Variants in BTBD8 observed in about 807,000 individuals in gnomAD.
BTBD8 encodes BTB/POZ domain-containing protein 8.
Under a neutral mutation model 162.9 loss-of-function variants are expected in BTBD8, and 110 were observed. That is an observed-to-expected ratio of 0.68 (90% CI 0.58 to 0.79). BTBD8 has a LOEUF of 0.79. Among genes scored for constraint, BTBD8 ranks in the 30% least tolerant of loss-of-function variants. The probability of loss-of-function intolerance (pLI) is 0.00; values close to 1 mark genes in which losing one functional copy is unlikely to be tolerated. For synonymous variants in BTBD8, 667 were observed against 716.1 expected (o/e 0.93, Z 1.10); for missense variants, 1,905 against 2,085.4 (o/e 0.91, Z 1.68).
In BTBD8 at chr1:92,181,172, C is replaced by CA; in HGVS notation, c.3495dup (p.Ser1166IlefsTer12). On this transcript the variant is annotated frameshift_variant, in exon 17 of 18. Coordinates refer to ENST00000636805, the MANE Select transcript of BTBD8 (RefSeq NM_001376131.1). LOFTEE classifies it high-confidence loss of function. ...GTACCTTAAATTCTGCTCAAGAAGA[C>CA]AAAAAATCGAAAGTTCCTGTGGAAG... The CA allele has an allele frequency of 6.4e-7, 1 of 1,551,590 alleles. No individual in the cohort carries two copies. The highest frequency in any genetic ancestry group is 8.7e-7 in the Non-Finnish European group (1 of 1,146,948).
intron 4 of BTBD8, among the ~76,000 whole-genome samples, chr1:92,122,128 A>C (rs1395713943): frequency 6.6e-6 from 1 of 152,064 alleles, no homozygotes; most frequent in African/African-American, 2.4e-5. Flanking sequence ...TCATCCTTGC[A>C]TGTTATGTGT....
chr1:92,180,850 T>C lies in BTBD8; in HGVS notation c.3167T>C (p.Phe1056Ser). Reference protein sequence around the residue: ...QICLDKSETKFPNHKETDDCD... With the variant: ...QICLDKSETKSPNHKETDDCD... ...TGTTTAGATAAAAGTGAAACAAAAT[T>C]TCCCAATCACAAAGAAACAGATGAT... is the stretch of plus-strand genomic sequence containing the variant. Residue 1056 changes from phenylalanine to serine, a missense_variant, in exon 17 of 18, where the codon TTT becomes TCT. This residue lies in a region of BTBD8 where 1,374 missense variants were observed against 1,442.7 expected (regional missense o/e 0.95). Coordinates refer to ENST00000636805, the MANE Select transcript of BTBD8 (RefSeq NM_001376131.1). 7 of 1,551,476 alleles carry C rather than the reference T, an allele frequency of 4.5e-6. No individual in the cohort carries two copies. Among genetic ancestry groups the C allele is most frequent in the Non-Finnish European group, 4.4e-6 (5 of 1,146,946 alleles).
chr1:92,183,593 T>G (rs1478451641), intron 17 of BTBD8, among the ~76,000 whole-genome samples: 2 of 152,100 alleles, frequency 1.3e-5, no homozygotes, highest in Non-Finnish European at 2.9e-5. Context: ...GTTTAAATGA[T>G]TTATGTTTTC....
chr1:92,087,093 T>C (rs896854637), intron 1 of BTBD8, among the ~76,000 whole-genome samples: 15 of 152,200 alleles, frequency 9.9e-5, no homozygotes, highest in African/African-American at 3.6e-4. Context: ...AAGTCAGATT[T>C]TCAGATTTGT....
At chr1:92,123,331 G>T (rs912852833) in intron 4 of BTBD8, among the ~76,000 whole-genome samples, 2 of 152,074 alleles carry the variant, frequency 1.3e-5, no homozygotes, top group African/African-American at 4.8e-5. Flanking sequence ...GGCAATTAGG[G>T]GTCCTTTGCA....
intron 4 of BTBD8, 76 bp from the exon 5 acceptor site, chr1:92,129,611 G>C: frequency 8.5e-7 from 1 of 1,179,344 alleles, no homozygotes. Flanking sequence ...ACATAAAGAT[G>C]AAAATTTTCA....
In BTBD8 at chr1:92,144,763, G is replaced by C. The variant is rs924491285; in HGVS notation, c.931-2417G>C. Among the ~76,000 whole-genome samples the C allele has an allele frequency of 1.1e-4, 16 of 148,782 alleles. No homozygotes were observed. The Admixed American group carries it at 1.1e-3, about 10-fold the overall frequency. ...GAATTTGAGGCTGCAGCGAGCCATG[G>C]TCACACCACTGCATTCCAGCCTGGG... On this transcript the variant is annotated intron_variant, in intron 7 of 17. Coordinates refer to ENST00000636805, the MANE Select transcript of BTBD8 (RefSeq NM_001376131.1).
chr1:92,102,428 A>T, intron 2 of BTBD8, 45 bp from the exon 3 acceptor site: 2 of 1,223,510 alleles, frequency 1.6e-6, no homozygotes, highest in Non-Finnish European at 2.1e-6. Flanking sequence ...TCTTTTTAAG[A>T]ATCACCAATG....
At chr1:92,120,659 A>G (rs192779637) in intron 4 of BTBD8, among the ~76,000 whole-genome samples, 243 of 152,320 alleles carry the variant, frequency 1.6e-3, no homozygotes, top group African/African-American at 5.6e-3. Context: ...TCTGTCAGCT[A>G]TGACATCCCT....
In BTBD8 at chr1:92,182,261, TAAAC is replaced by T; in HGVS notation, c.4580_4583del (p.Lys1527ArgfsTer12). On this transcript the variant is annotated frameshift_variant, in exon 17 of 18. Coordinates refer to ENST00000636805, the MANE Select transcript of BTBD8 (RefSeq NM_001376131.1). LOFTEE classifies it high-confidence loss of function. ...GTAGCATTGACTCTTCAAGAAAAAA[TAAAC>T]AGAGTGTTTCAGCCACAGAAAAAAA... The T allele has an allele frequency of 1.9e-6, 3 of 1,550,988 alleles. No homozygotes were observed. Among genetic ancestry groups the T allele is most frequent in the Non-Finnish European group, 2.6e-6 (3 of 1,146,754 alleles).
intron 4 of BTBD8, among the ~76,000 whole-genome samples, chr1:92,122,637 C>T (rs1416310270): frequency 6.6e-6 from 1 of 151,938 alleles, no homozygotes; most frequent in Non-Finnish European, 1.5e-5. Flanking sequence ...GATCTCGGCT[C>T]ACTACAAGCC....
chr1:92,126,166 A>T, intron 4 of BTBD8: 1 of 506,210 alleles, frequency 2.0e-6, no homozygotes, highest in South Asian at 1.6e-5. Flanking sequence ...GATTGGCAGA[A>T]GATTGTGGTG....
intron 1 of BTBD8, among the ~76,000 whole-genome samples, chr1:92,080,926 A>T (rs927811855): frequency 6.6e-6 from 1 of 152,164 alleles, no homozygotes; most frequent in East Asian, 1.9e-4. Flanking sequence ...GCACCTCGAC[A>T]CCATGTACCA....
chr1:92,125,990 A>G (rs986846252), intron 4 of BTBD8: 2 of 459,124 alleles, frequency 4.4e-6, no homozygotes, highest in African/African-American at 2.0e-5. Flanking sequence ...CAAATGTGAA[A>G]TGGTAGTGTA....
intron 5 of BTBD8, among the ~76,000 whole-genome samples, chr1:92,130,520 ATAT>A (rs369329268): frequency 6.9e-5 from 10 of 144,694 alleles, no homozygotes; most frequent in East Asian, 2.0e-4. Context: ...CTCAAAAAAA[ATAT>A]ATATATATAT....
intron 1 of BTBD8, among the ~76,000 whole-genome samples, chr1:92,083,436 G>A (rs555146985): frequency 6.6e-6 from 1 of 152,232 alleles, no homozygotes; most frequent in Non-Finnish European, 1.5e-5. Context: ...TTGGCCAGTG[G>A]CTAACCTTGG....
intron 4 of BTBD8, among the ~76,000 whole-genome samples, chr1:92,108,943 A>T (rs568699538): frequency 6.6e-6 from 1 of 152,318 alleles, no homozygotes; most frequent in African/African-American, 2.4e-5. Context: ...GGTTACTGTA[A>T]TCCACCAAGC....
intron 3 of BTBD8, among the ~76,000 whole-genome samples, chr1:92,106,286 A>G (rs1036300445): frequency 6.6e-6 from 1 of 152,110 alleles, no homozygotes; most frequent in African/African-American, 2.4e-5. Flanking sequence ...GGCAGCATAC[A>G]AATATTTAAG....
chr1:92,094,873 A>C (rs1435971673), intron 2 of BTBD8, among the ~76,000 whole-genome samples: 1 of 152,246 alleles, frequency 6.6e-6, no homozygotes, highest in Non-Finnish European at 1.5e-5. Context: ...TCAGGTAAAT[A>C]CATAAAACAG....
Sources: gnomAD v4.1 joint callset for allele counts (sites outside exome capture counted in the v4.1 genomes callset) on GRCh38, gnomAD v4.1.1 for gene constraint, gnomAD v4.1.1 regional missense constraint, MANE v1.5 for transcripts, NCBI Gene and HGNC (gene_info 2026-07-23, HGNC 2026-07-21) for gene names.